Variants in CRB1 observed in about 807,000 individuals in gnomAD.
The protein encoded by CRB1 is protein crumbs homolog 1.
In CRB1, 83 loss-of-function variants were observed where a neutral mutation model predicts 120.0. The observed-to-expected ratio is 0.69, with a 90% CI of 0.58 to 0.83. The LOEUF is 0.83. Among genes scored for constraint, CRB1 ranks in the 40% least tolerant of loss-of-function variants. The pLI, the probability that CRB1 is intolerant of heterozygous loss-of-function variation, is 0.00. For missense variants in CRB1, 1,699 were observed against 1,687.6 expected (o/e 1.01, Z -0.12); for synonymous variants, 625 against 612.5 (o/e 1.02, Z -0.30).
At chr1:197,344,538 ACT>A (rs1659661047) in intron 3 of CRB1, 62 bp downstream of exon 3, 1 of 1,499,844 alleles carries the variant, frequency 6.7e-7, no homozygotes, top group African/African-American at 1.4e-5. Flanking sequence ...CTATTTTACC[ACT>A]CTGTTGAATT....
the CRB1 span, among the ~76,000 whole-genome samples, chr1:197,212,566 G>A: frequency 6.6e-6 from 1 of 152,084 alleles, no homozygotes; most frequent in Non-Finnish European, 1.5e-5. Context: ...TATTATAACA[G>A]AAAGCCAATC....
chr1:197,457,278 T>C (rs1312482910), intron 11 of CRB1, among the ~76,000 whole-genome samples: 1 of 152,054 alleles, frequency 6.6e-6, no homozygotes, highest in African/African-American at 2.4e-5. Context: ...GAAACTATGC[T>C]CAGGTCATTA....
At chr1:197,438,465 A>C in intron 9 of CRB1, 82 bp from the exon 10 acceptor site, 1 of 1,540,412 alleles carries the variant, frequency 6.5e-7, no homozygotes, top group Non-Finnish European at 8.9e-7. Context: ...GGCATTGACT[A>C]CATACATGAA....
At chr1:197,257,586 A>G in the CRB1 span, among the ~76,000 whole-genome samples, 1 of 152,156 alleles carries the variant, frequency 6.6e-6, no homozygotes, top group African/African-American at 2.4e-5. Flanking sequence ...CTTGGTTCCA[A>G]TTTAGCCTAG....
In CRB1 at chr1:197,288,157, T is replaced by C. The variant is rs375293604; in HGVS notation, c.70+19675T>C. Among the ~76,000 whole-genome samples the C allele has an allele frequency of 9.2e-5, 14 of 151,834 alleles. No homozygotes were observed. The East Asian group carries it at 1.4e-3, about 15-fold the overall frequency. On this transcript the variant is annotated intron_variant, in intron 1 of 11. Transcript: ENST00000367400. ...GACCAGAGATCTGCAGAAGCTCCTT[T>C]TAGTATTCAGCTGAGTTTATATCAG... is the stretch of plus-strand genomic sequence containing the variant.
chr1:197,450,804 A>C (rs1338253359), intron 11 of CRB1, among the ~76,000 whole-genome samples: 19 of 144,776 alleles, frequency 1.3e-4, no homozygotes, highest in Non-Finnish European at 4.6e-5. Flanking sequence ...AAAAAAAAAA[A>C]AAAAAATTAG....
intron 5 of CRB1, among the ~76,000 whole-genome samples, chr1:197,416,052 C>T (rs1464697006): frequency 6.6e-6 from 1 of 152,228 alleles, no homozygotes; most frequent in Admixed American, 6.5e-5. Context: ...AGAGGCTCTG[C>T]AGCAGCTACT....
rs1305699627 is a variant in CRB1 at position 197,344,452 on chromosome 1, G to A, written c.824G>A (p.Gly275Glu). The stretch of plus-strand genomic sequence containing the variant: ...GCCAGTCAACCTTGTCTCCATGGAG[G>A]GCTGTGTGTGGATGGAGAAAACAGG... ...ECASQPCLHGGLCVDGENRYS... is the reference protein window; with the variant it reads ...ECASQPCLHGELCVDGENRYS... The change falls in exon 3 of 12, where the codon GGG becomes GAG. Residue 275 changes from glycine to glutamate, a missense_variant. Transcript: ENST00000367400. 1 of 1,613,920 alleles carries A rather than the reference G, an allele frequency of 6.2e-7. No individual in the cohort carries two copies. Among genetic ancestry groups the A allele is most frequent in the Non-Finnish European group, 8.5e-7 (1 of 1,179,986 alleles).
At chr1:197,344,541 C>G in intron 3 of CRB1, 65 bp downstream of exon 3, 1 of 1,486,338 alleles carries the variant, frequency 6.7e-7, no homozygotes, top group South Asian at 1.1e-5. Flanking sequence ...TTTTACCACT[C>G]TGTTGAATTT....
chr1:197,413,065 T>TTTAGGGA (rs1309635900), intron 5 of CRB1, among the ~76,000 whole-genome samples: 1 of 152,208 alleles, frequency 6.6e-6, no homozygotes, highest in Non-Finnish European at 1.5e-5. Context: ...CTAAAGGAAT[T>TTTAGGGA]GCTCTGATTG....
chr1:197,439,745 A>G (rs1234593526), intron 10 of CRB1: 1 of 152,192 alleles, frequency 6.6e-6, no homozygotes, highest in Non-Finnish European at 1.5e-5. Flanking sequence ...GACTGACTCA[A>G]TATTTCCCAT....
chr1:197,354,520 G>A (rs920946252), intron 4 of CRB1, among the ~76,000 whole-genome samples: 2 of 152,138 alleles, frequency 1.3e-5, no homozygotes, highest in Non-Finnish European at 2.9e-5. Context: ...CTTCAAGAGT[G>A]AAGCCGCAGA....
At chr1:197,345,174 A>G (rs1372191165) in intron 3 of CRB1, among the ~76,000 whole-genome samples, 1 of 152,236 alleles carries the variant, frequency 6.6e-6, no homozygotes, top group African/African-American at 2.4e-5. Flanking sequence ...TCTAATCTTT[A>G]TTTAAGCCAC....
chr1:197,305,158 A>T (rs1409018425), intron 1 of CRB1, among the ~76,000 whole-genome samples: 6 of 152,120 alleles, frequency 3.9e-5, no homozygotes, highest in Non-Finnish European at 7.4e-5. Flanking sequence ...TAATGTTCTT[A>T]GGTTACTGGG....
At chr1:197,334,640 C>T (rs1256277124) in intron 2 of CRB1, among the ~76,000 whole-genome samples, 6 of 152,278 alleles carry the variant, frequency 3.9e-5, no homozygotes, top group Non-Finnish European at 7.3e-5. Context: ...TTTTAAACAT[C>T]CGGAGCTAAG....
intron 11 of CRB1, among the ~76,000 whole-genome samples, chr1:197,471,117 T>C (rs189129726): frequency 2.1e-4 from 32 of 152,228 alleles, no homozygotes; most frequent in African/African-American, 7.2e-4. Flanking sequence ...TTCCTTCTGG[T>C]ATGGAAATCA....
At chr1:197,406,278 C>T (rs1230430474) in intron 5 of CRB1, among the ~76,000 whole-genome samples, 2 of 152,126 alleles carry the variant, frequency 1.3e-5, no homozygotes, top group African/African-American at 2.4e-5. Context: ...GACCTTACCC[C>T]CAACCCTGTG....
At chr1:197,256,995 G>A in the CRB1 span, among the ~76,000 whole-genome samples, 13 of 147,182 alleles carry the variant, frequency 8.8e-5, no homozygotes, top group Non-Finnish European at 1.5e-4. Context: ...ATTGGCTCAC[G>A]TTCACTCCCA....
rs1356399069 is a variant in CRB1, at chr1:197,427,698, A to G, written c.2373A>G (p.Gly791=). The change falls in exon 7 of 12, where the codon GGA becomes GGG. Residue 791 remains glycine, a synonymous_variant. Coordinates refer to ENST00000367400, the MANE Select transcript of CRB1 (RefSeq NM_201253.3). ...TAGTAAAATTTGTTCTTAATGATGGAAATGTCCACTTGATATCTTTGAAAA... is the reference window on the plus strand; with the variant it reads ...TAGTAAAATTTGTTCTTAATGATGGGAATGTCCACTTGATATCTTTGAAAA... ...KLVVKFVLND[G]NVHLISLKIK... 6.2e-7 allele frequency: 1 copy of G among 1,613,956 alleles called. No individual in the cohort carries two copies. The highest frequency in any genetic ancestry group is 1.7e-5 in the Admixed American group (1 of 59,982).
Sources: allele counts gnomAD v4.1 joint callset (sites outside exome capture counted in the v4.1 genomes callset), GRCh38; gene constraint gnomAD v4.1.1; transcripts MANE v1.5; gene names NCBI Gene and HGNC (gene_info 2026-07-23, HGNC 2026-07-21).